The following ZNF783 variants were observed in gnomAD, a reference collection of about 807,000 sequenced individuals.
ZNF783 encodes the protein zinc finger protein 783, also known as protein ZNF783.
In ZNF783, 25 loss-of-function variants were observed where a neutral mutation model predicts 31.3. The observed-to-expected ratio is 0.80, with a 90% CI of 0.58 to 1.11. The LOEUF (loss-of-function observed/expected upper bound fraction) is 1.11, where lower values mean the gene tolerates loss of function less well. Ranked by LOEUF, ZNF783 falls within the 50% of genes most tolerant of loss-of-function variation. The pLI is 0.00. For missense variants in ZNF783, 797 were observed against 760.0 expected (o/e 1.05, Z -0.57); for synonymous variants, 369 against 319.1 (o/e 1.16, Z -1.66).
intron 1 of ZNF783, 108 bp from the exon 2 acceptor site, chr7:149,266,227 C>T (rs1585607640): frequency 1.5e-6 from 2 of 1,326,418 alleles, no homozygotes; most frequent in East Asian, 2.5e-5. Context: ...CTCAGGAGCC[C>T]AGATGGGACT....
intron 1 of ZNF783, among the ~76,000 whole-genome samples, chr7:149,263,302 G>GTA (rs1554477451): frequency 0.043 from 2,717 of 62,574 alleles, 25 homozygotes; most frequent in East Asian, 0.14. Flanking sequence ...GTGTGTGTGT[G>GTA]TGTATATATA....
In ZNF783 at chr7:149,281,758, C is replaced by T. The variant is rs1482373991; in HGVS notation, c.1056C>T (p.Pro352=). The stretch of plus-strand genomic sequence containing the variant: ...GGCGGCAGCGGGCATTCCCCTGCCC[C>T]GACTGCGGGCAGAGCTTCCGCCTGA... The part of the protein sequence containing the change: ...SRRRQRAFPC[P]DCGQSFRLKI... The change falls in exon 6 of 6, where the codon CCC becomes CCT. Residue 352 remains proline, a synonymous_variant. Coordinates refer to ENST00000434415, the MANE Select transcript of ZNF783 (RefSeq NM_001195220.2). 3.3e-6 allele frequency: 5 copies of T among 1,493,616 alleles called. No homozygotes were observed. Among genetic ancestry groups the T allele is most frequent in the African/African-American group, 1.4e-5 (1 of 70,622 alleles). The allele number at this position is 1,493,616 out of a possible 1,614,324, so 92.5% of individuals were successfully genotyped here. A position where few individuals can be genotyped will look rare whatever the true frequency, so the allele number is the denominator to read the frequency against.
intron 4 of ZNF783, among the ~76,000 whole-genome samples, chr7:149,272,166 C>T (rs532000457): frequency 2.0e-5 from 3 of 152,136 alleles, no homozygotes; most frequent in East Asian, 1.9e-4. Context: ...CACAGGTGTG[C>T]GCCACCACGC....
At chr7:149,263,324 A>ATATT (rs1491469154) in intron 1 of ZNF783, among the ~76,000 whole-genome samples, 43 of 108,294 alleles carry the variant, frequency 4.0e-4, no homozygotes, top group Non-Finnish European at 5.6e-4. Flanking sequence ...ATATATATAT[A>ATATT]TTTTTTTTTT....
At chr7:149,275,990 G>T (rs1349950496) in intron 4 of ZNF783, 1 of 152,146 alleles carries the variant, frequency 6.6e-6, no homozygotes, top group East Asian at 1.9e-4. Flanking sequence ...CCCGGGCTCA[G>T]GTGATCCTCC....
Position 149,281,610 on chromosome 7 carries a change from G to A in ZNF783, c.908G>A (p.Arg303Gln), listed in dbSNP as rs1563199733. The change falls in exon 6 of 6, where the codon CGA becomes CAA. Residue 303 changes from arginine to glutamine, a missense_variant. Physicochemically the swap from Arg to Gln is conservative, Grantham distance 43. Transcript: ENST00000434415. ...SRGQTECRIP[R>Q]GPRNRPGGPS... is the part of the protein sequence containing the mutation. ...GGCCAGACCGAGTGTAGAATCCCCCGAGGGCCCAGGAACAGGCCTGGGGGC... is the reference window on the plus strand; with the variant it reads ...GGCCAGACCGAGTGTAGAATCCCCCAAGGGCCCAGGAACAGGCCTGGGGGC... 1.3e-6 allele frequency: 2 copies of A among 1,547,706 alleles called. No homozygotes were observed. The highest frequency in any genetic ancestry group is 1.7e-6 in the Non-Finnish European group (2 of 1,158,732).
At chr7:149,279,751 C>T (rs1270165766) in intron 5 of ZNF783, among the ~76,000 whole-genome samples, 1 of 147,838 alleles carries the variant, frequency 6.8e-6, no homozygotes, top group Non-Finnish European at 1.5e-5. Flanking sequence ...GGGAAGTGGA[C>T]ACAGCACATG....
Position 149,266,709 on chromosome 7 carries a change from C to A in ZNF783, c.399C>A (p.Gly133=), listed in dbSNP as rs373086506. ...RNFWILRLPP[G]SKGEAPKVPV... The stretch of plus-strand genomic sequence containing the variant: ...TCTGGATCTTGCGGCTGCCCCCGGG[C>A]AGCAAGGGGGAGGCCCCCAAGGTAG... The change falls in exon 2 of 6, where the codon GGC becomes GGA. Residue 133 remains glycine (G), a synonymous_variant. Coordinates refer to ENST00000434415, the MANE Select transcript of ZNF783 (RefSeq NM_001195220.2). The A allele has an allele frequency of 3.1e-6, 5 of 1,613,956 alleles. No homozygotes were observed. Among genetic ancestry groups the A allele is most frequent in the Admixed American group, 1.7e-5 (1 of 60,026 alleles).
At chr7:149,267,983 G>A (rs899453753) in intron 4 of ZNF783, among the ~76,000 whole-genome samples, 1 of 152,308 alleles carries the variant, frequency 6.6e-6, no homozygotes, top group East Asian at 1.9e-4. Context: ...TGGTAGGAGG[G>A]CCAGGCATGC....
chr7:149,264,008 C>T (rs1171623456), intron 1 of ZNF783, among the ~76,000 whole-genome samples: 1 of 152,156 alleles, frequency 6.6e-6, no homozygotes, highest in Non-Finnish European at 1.5e-5. Context: ...GCTTCACTAC[C>T]TTTCAGATCA....
At position 149,276,148 on chromosome 7, in the gene ZNF783, C is replaced by T. The variant is rs142940073; in HGVS notation, c.674-2251C>T. 1,054 of 176,046 alleles carry T rather than the reference C, an allele frequency of 6.0e-3. 12 individuals are homozygous for T. The highest frequency in any genetic ancestry group is 0.03 in the Admixed American group (454 of 15,320). The allele number at this position is 176,046 out of a possible 1,614,324, so 10.9% of individuals were successfully genotyped here. A position where few individuals can be genotyped will look rare whatever the true frequency, so the allele number is the denominator to read the frequency against. On this transcript the variant is annotated intron_variant, in intron 4 of 5. Coordinates refer to ENST00000434415, the MANE Select transcript of ZNF783 (RefSeq NM_001195220.2). Reference sequence around the variant, plus strand: ...TCAAGCAGTTCTCCCATCTTGGCCTCCCAAAGTGTTGGGATTACAGGCATG... The same window carrying T: ...TCAAGCAGTTCTCCCATCTTGGCCTTCCAAAGTGTTGGGATTACAGGCATG...
Position 149,281,694 on chromosome 7 carries a change from CG to C in ZNF783, c.997del (p.Ala333ProfsTer28). On this transcript the variant is annotated frameshift_variant, in exon 6 of 6. Coordinates refer to ENST00000434415, the MANE Select transcript of ZNF783 (RefSeq NM_001195220.2). LOFTEE classifies it low-confidence loss of function (END_TRUNC). ...GTGCGGGCAGGGGAGCCACGGCCAC[CG>C]GGGGCCAGTGGGGAGACGCCCCGAG... ...PRVRAGEPRP[P>X]GASGETPRVL... is the part of the protein sequence containing the mutation. 9 of 1,495,022 alleles carry C rather than the reference CG, an allele frequency of 6.0e-6. No homozygotes were observed. Among genetic ancestry groups the C allele is most frequent in the East Asian group, 2.4e-5 (1 of 41,948 alleles). The allele number at this position is 1,495,022 out of a possible 1,614,324, so 92.6% of individuals were successfully genotyped here.
At chr7:149,274,875 A>C (rs1797291531) in intron 4 of ZNF783, among the ~76,000 whole-genome samples, 1 of 152,052 alleles carries the variant, frequency 6.6e-6, no homozygotes, top group Non-Finnish European at 1.5e-5. Flanking sequence ...GCCTTTGGCT[A>C]TTTCAGGTTT....
At chr7:149,276,223 C>T (rs1797326078) in intron 4 of ZNF783, 1 of 550,682 alleles carries the variant, frequency 1.8e-6, no homozygotes, top group Non-Finnish European at 2.3e-6. Flanking sequence ...CACGAACAGT[C>T]AGGATTCATA....
Position 149,266,671 on chromosome 7 carries a change from C to A in ZNF783, c.361C>A (p.Arg121Ser). The A allele has an allele frequency of 6.2e-7, 1 of 1,614,072 alleles. No homozygotes were observed. Among genetic ancestry groups the A allele is most frequent in the South Asian group, 1.1e-5 (1 of 91,074 alleles). Reference protein sequence around the residue: ...RRLENVENLLRNRNFWILRLP... With the variant: ...RRLENVENLLSNRNFWILRLP... ...GCTGGAGAATGTGGAGAACTTGCTGCGCAACAGGAACTTCTGGATCTTGCG... is the reference window on the plus strand; with the variant it reads ...GCTGGAGAATGTGGAGAACTTGCTGAGCAACAGGAACTTCTGGATCTTGCG... Residue 121 changes from arginine to serine, a missense_variant, in exon 2 of 6, where the codon CGC (arginine) becomes AGC (serine). By Grantham distance (110) the Arg-to-Ser change is moderately radical (BLOSUM62 -1). Coordinates refer to ENST00000434415, the MANE Select transcript of ZNF783 (RefSeq NM_001195220.2).
chr7:149,276,749 G>T, intron 4 of ZNF783: 1 of 441,966 alleles, frequency 2.3e-6, no homozygotes, highest in Non-Finnish European at 3.0e-6. Context: ...ATGGCTCACT[G>T]CAGCCTCATA....
At chr7:149,266,976 TG>T in intron 3 of ZNF783, 31 bp downstream of exon 3, 2 of 1,613,970 alleles carry the variant, frequency 1.2e-6, no homozygotes, top group Non-Finnish European at 1.7e-6. Context: ...TCTGGGCCTC[TG>T]TCCACAGGTT....
rs753260193 is a variant in ZNF783 at position 149,281,519 on chromosome 7, A to C, written c.817A>C (p.Ile273Leu). ...TCCTTTGCCAGGTGGTGGTGTGGCC[A>C]TCAAGACAGAGGCACAGTCTGAAGA... ...AGPEAGGGVA[I>L]KTEAQSEDEM... Residue 273 changes from isoleucine to leucine, a missense_variant, in exon 6 of 6, where the codon ATC (isoleucine) becomes CTC (leucine). By Grantham distance (5) the Ile-to-Leu change is conservative (BLOSUM62 2). Transcript: ENST00000434415. The C allele has an allele frequency of 5.6e-5, 81 of 1,450,996 alleles. No individual in the cohort carries two copies. Among genetic ancestry groups the C allele is most frequent in the Non-Finnish European group, 6.4e-5 (71 of 1,109,346 alleles). 89.9% of individuals were successfully genotyped at this position (1,450,996 alleles called of 1,614,324 possible). A position where few individuals can be genotyped will look rare whatever the true frequency, so the allele number is the denominator to read the frequency against.
intron 1 of ZNF783, among the ~76,000 whole-genome samples, chr7:149,263,455 A>C (rs534314929): frequency 9.2e-5 from 14 of 151,774 alleles, no homozygotes; most frequent in African/African-American, 3.1e-4. Flanking sequence ...AATCCCAAGT[A>C]GCTGGGATTA....
Sources: gnomAD v4.1 joint callset for allele counts (sites outside exome capture counted in the v4.1 genomes callset) on GRCh38, gnomAD v4.1.1 for gene constraint, MANE v1.5 for transcripts, NCBI Gene and HGNC (gene_info 2026-07-23, HGNC 2026-07-21) for gene names.